MGAT1: variants seen among roughly 807,000 people sequenced by gnomAD.
MGAT1 encodes the protein alpha-1,3-mannosyl-glycoprotein 2-beta-N-acetylglucosaminyltransferase, also known as N-glycosyl-oligosaccharide-glycoprotein N-acetylglucosaminyltransferase I.
MGAT1 carries 14 observed loss-of-function variants against 31.7 expected under a neutral mutation model. That is an observed-to-expected ratio of 0.44 (90% CI 0.29 to 0.69). The LOEUF is 0.69. Among genes scored for constraint, MGAT1 ranks in the 30% least tolerant of loss-of-function variants. The probability of loss-of-function intolerance (pLI) is 0.12; values close to 1 mark genes in which losing one functional copy is unlikely to be tolerated. For synonymous variants in MGAT1, 338 were observed against 276.0 expected (o/e 1.22, Z -2.23); for missense variants, 557 against 626.0 (o/e 0.89, Z 1.18).
At chr5:180,793,131 C>T (rs1768601479) in intron 1 of MGAT1, 34 bp from the exon 2 acceptor site, 2 of 884,262 alleles carry the variant, frequency 2.3e-6, no homozygotes, top group Admixed American at 5.8e-5. Flanking sequence ...AACCGTCACA[C>T]AAAGGCTCGT....
intron 1 of MGAT1, among the ~76,000 whole-genome samples, chr5:180,796,270 T>C (rs1430071130): frequency 6.6e-6 from 1 of 152,158 alleles, no homozygotes; most frequent in African/African-American, 2.4e-5. Flanking sequence ...CACCAGCCCC[T>C]GCCAGCATTC....
At chr5:180,805,880 A>T (rs1271981367), upstream of MGAT1, among the ~76,000 whole-genome samples, 1 of 152,216 alleles carries the variant, frequency 6.6e-6, no homozygotes, top group East Asian at 1.9e-4. Context: ...ATCCAGGTCA[A>T]AGAGGAAAGA....
In MGAT1 at chr5:180,791,938, T is replaced by C; in HGVS notation, c.1034A>G (p.Asp345Gly). ...GGCCTCCCGCTGCAGGTAAGACAGGTCCAGCTGGGTGAAGTGCACAAACTG... is the reference window on the plus strand; with the variant it reads ...GGCCTCCCGCTGCAGGTAAGACAGGCCCAGCTGGGTGAAGTGCACAAACTG... ...NQQFVHFTQLDLSYLQREAYD... is the reference protein window; with the variant it reads ...NQQFVHFTQLGLSYLQREAYD... Residue 345 changes from aspartate to glycine, a missense_variant, in exon 2 of 2, where the codon GAC becomes GGC. Transcript: ENST00000307826. 2 of 1,614,180 alleles carry C rather than the reference T, an allele frequency of 1.2e-6. No individual in the cohort carries two copies. Among genetic ancestry groups the C allele is most frequent in the Non-Finnish European group, 1.7e-6 (2 of 1,180,052 alleles).
At chr5:180,812,574 A>G (rs1772644404) in intron 1 of MGAT1, among the ~76,000 whole-genome samples, 1 of 152,172 alleles carries the variant, frequency 6.6e-6, no homozygotes, top group Non-Finnish European at 1.5e-5. Flanking sequence ...ACACAGGCAC[A>G]CACACACACA....
Position 180,791,492 on chromosome 5 carries a change from T to C in MGAT1, c.*142A>G, listed in dbSNP as rs1768073649. On this transcript the variant is annotated 3_prime_UTR_variant, in exon 2 of 2. Transcript: ENST00000307826. The stretch of plus-strand genomic sequence containing the variant: ...AGAATAATCCTCTTGTTATCATTTG[T>C]GCACTTAAATGCCACTCGGAAAAAT... 1 of 949,224 alleles carries C rather than the reference T, an allele frequency of 1.1e-6. No individual in the cohort carries two copies. The highest frequency in any genetic ancestry group is 1.7e-5 in the South Asian group (1 of 60,446). The allele number at this position is 949,224 out of a possible 1,614,324, so 58.8% of individuals were successfully genotyped here. A position where few individuals can be genotyped will look rare whatever the true frequency, so the allele number is the denominator to read the frequency against.
chr5:180,806,980 G>A (rs915892842), upstream of MGAT1, among the ~76,000 whole-genome samples: 34 of 152,358 alleles, frequency 2.2e-4, no homozygotes, highest in African/African-American at 7.5e-4. Context: ...CCTCAAAGGG[G>A]CTGCCCCAGG....
In MGAT1 at chr5:180,790,525, G is replaced by C. The variant is rs1212266348; in HGVS notation, c.*1109C>G. The C allele has an allele frequency of 1.3e-5, 2 of 152,126 alleles. No homozygotes were observed. The highest frequency in any genetic ancestry group is 2.9e-5 in the Non-Finnish European group (2 of 68,094). The allele number at this position is 152,126 out of a possible 1,614,324, so 9.4% of individuals were successfully genotyped here. Reference sequence around the variant, plus strand: ...CCCTGCCTGCCACCTCCTTTTCCAGGACACACACACATAAATATTTTTCAG... The same window carrying C: ...CCCTGCCTGCCACCTCCTTTTCCAGCACACACACACATAAATATTTTTCAG... On this transcript the variant is annotated 3_prime_UTR_variant, in exon 2 of 2. Coordinates refer to ENST00000307826, the MANE Select transcript of MGAT1 (RefSeq NM_002406.4).
In MGAT1 at chr5:180,792,405, G is replaced by A. The variant is rs1768356060; in HGVS notation, c.567C>T (p.Tyr189=). 1.2e-6 allele frequency: 2 copies of A among 1,610,314 alleles called. No homozygotes were observed. Among genetic ancestry groups the A allele is most frequent in the African/African-American group, 1.3e-5 (1 of 74,904 alleles). Residue 189 remains tyrosine (Y), a synonymous_variant, in exon 2 of 2, where the codon TAC becomes TAT. Coordinates refer to ENST00000307826, the MANE Select transcript of MGAT1 (RefSeq NM_002406.4). The part of the protein sequence containing the change: ...FQGYYKIARH[Y]RWALGQVFRQ... ...GGAAGACCTGGCCCAGCGCCCAGCG[G>A]TAGTGGCGCGCGATCTTGTAGTAGC...
At chr5:180,812,291 A>T (rs1772625921) in intron 1 of MGAT1, among the ~76,000 whole-genome samples, 1 of 152,248 alleles carries the variant, frequency 6.6e-6, no homozygotes, top group African/African-American at 2.4e-5. Context: ...CTCACATGGA[A>T]ATATATGAAC....
rs1336896911 is a variant in MGAT1 at position 180,815,413 on chromosome 5, C to T, written c.-546+1G>A. On this transcript the variant is annotated splice_donor_variant, in intron 1 of 2. Transcript: ENST00000333055. LOFTEE classifies it low-confidence loss of function (5UTR_SPLICE). Reference sequence around the variant, plus strand: ...TCCCAACTCAGTCCCCTCACAGATACCTCTGACTCACGTGTCCAAAGTGAA... The same window carrying T: ...TCCCAACTCAGTCCCCTCACAGATATCTCTGACTCACGTGTCCAAAGTGAA... 1 of 152,670 alleles carries T rather than the reference C, an allele frequency of 6.6e-6. No individual in the cohort carries two copies. The highest frequency in any genetic ancestry group is 2.4e-5 in the African/African-American group (1 of 41,454). The allele number at this position is 152,670 out of a possible 1,614,324, so 9.5% of individuals were successfully genotyped here.
At chr5:180,810,501 A>C (rs1772452643) in intron 1 of MGAT1, 1 of 152,492 alleles carries the variant, frequency 6.6e-6, no homozygotes, top group Non-Finnish European at 1.5e-5. Context: ...CGCGGGAAGA[A>C]GCACGCATGC....
rs573131122 is a variant in MGAT1, at chr5:180,790,732, T to TCCTGGTCACTGCTCCA, written c.*886_*901dup. On this transcript the variant is annotated 3_prime_UTR_variant, in exon 2 of 2. Coordinates refer to ENST00000307826, the MANE Select transcript of MGAT1 (RefSeq NM_002406.4). ...GCTGGGCAGCACTGGGCCAGAGGCG[T>TCCTGGTCACTGCTCCA]CCTGGTCACTGCTCCACCTGGTCAC... The TCCTGGTCACTGCTCCA allele has an allele frequency of 6.6e-6, 1 of 152,548 alleles. No individual in the cohort carries two copies. The highest frequency in any genetic ancestry group is 2.1e-4 in the South Asian group (1 of 4,832). The allele number at this position is 152,548 out of a possible 1,614,324, so 9.4% of individuals were successfully genotyped here. A position where few individuals can be genotyped will look rare whatever the true frequency, so the allele number is the denominator to read the frequency against.
chr5:180,814,418 G>C (rs969656535), intron 1 of MGAT1, among the ~76,000 whole-genome samples: 1 of 152,174 alleles, frequency 6.6e-6, no homozygotes, highest in Admixed American at 6.5e-5. Context: ...GCTCTCTGGG[G>C]TTCCCCCTCC....
In MGAT1 at chr5:180,791,845, T is replaced by C. The variant is rs764185955; in HGVS notation, c.1127A>G (p.Asn376Ser). 6 of 1,614,188 alleles carry C rather than the reference T, an allele frequency of 3.7e-6. No individual in the cohort carries two copies. Among genetic ancestry groups the C allele is most frequent in the South Asian group, 1.1e-5 (1 of 91,082 alleles). Residue 376 changes from asparagine to serine, a missense_variant, in exon 2 of 2, where the codon AAT (asparagine) becomes AGT (serine). This residue lies in a region of MGAT1 where 145 missense variants were observed against 143.2 expected (regional missense o/e 1.01). Coordinates refer to ENST00000307826, the MANE Select transcript of MGAT1 (RefSeq NM_002406.4). ...PQLQVEKVRTNDRKELGEVRV... is the reference protein window; with the variant it reads ...PQLQVEKVRTSDRKELGEVRV... Reference sequence around the variant, plus strand: ...CACCTCCCCCAGCTCCTTCCGGTCATTGGTCCTCACTTTCTCCACCTGCAG... The same window carrying C: ...CACCTCCCCCAGCTCCTTCCGGTCACTGGTCCTCACTTTCTCCACCTGCAG...
rs111308679 is a variant in MGAT1, at chr5:180,788,079, G to C, written c.*3555C>G. The C allele has an allele frequency of 2.0e-5, 3 of 153,070 alleles. No individual in the cohort carries two copies. The highest frequency in any genetic ancestry group is 4.4e-5 in the Non-Finnish European group (3 of 68,696). The allele number at this position is 153,070 out of a possible 1,614,324, so 9.5% of individuals were successfully genotyped here. Reference sequence around the variant, plus strand: ...GGCAGCTCTGTAAACCTGCAAACTCGAGGCTGGCTGAACTCTACAGCATTG... The same window carrying C: ...GGCAGCTCTGTAAACCTGCAAACTCCAGGCTGGCTGAACTCTACAGCATTG... On this transcript the variant is annotated 3_prime_UTR_variant, in exon 2 of 2. Coordinates refer to ENST00000307826, the MANE Select transcript of MGAT1 (RefSeq NM_002406.4).
Position 180,792,985 on chromosome 5 carries a change from G to A in MGAT1, c.-14C>T, listed in dbSNP as rs72549456. The A allele has an allele frequency of 0.015, 23,962 of 1,612,396 alleles. 247 individuals carry two copies. Among genetic ancestry groups the A allele is most frequent in the Non-Finnish European group, 0.018 (21,746 of 1,179,670 alleles). On this transcript the variant is annotated 5_prime_UTR_variant, in exon 2 of 2. Transcript: ENST00000307826. ...CTTCTTCAGCATCCTGGCCCCCACC[G>A]GGGAGGGCAGGCCAGGGGACGGTTC... is the stretch of plus-strand genomic sequence containing the variant.
chr5:180,792,351 C>T lies in MGAT1; in HGVS notation c.621G>A (p.Val207=). Residue 207 remains valine (V), a synonymous_variant, in exon 2 of 2, where the codon GTG becomes GTA. Transcript: ENST00000307826. ...FRQFRFPAAV[V]VEDDLEVAPD... Reference sequence around the variant, plus strand: ...GGGCCACCTCCAGGTCATCCTCCACCACCACGGCCGCGGGGAAGCGAAACT... The same window carrying T: ...GGGCCACCTCCAGGTCATCCTCCACTACCACGGCCGCGGGGAAGCGAAACT... The T allele has an allele frequency of 6.2e-7, 1 of 1,611,276 alleles. No homozygotes were observed. Among genetic ancestry groups the T allele is most frequent in the Non-Finnish European group, 8.5e-7 (1 of 1,178,450 alleles).
At position 180,791,763 on chromosome 5, in the gene MGAT1, G is replaced by A; in HGVS notation, c.1209C>T (p.Val403=). ...GAACCCCCGACTTAAGGTCATCCAT[G>A]ACACCCAGAGCCTTGGCGAAAGCCT... The part of the protein sequence containing the change: ...SFKAFAKALG[V]MDDLKSGVPR... The change falls in exon 2 of 2, where the codon GTC becomes GTT. Residue 403 remains valine (V), a synonymous_variant. Coordinates refer to ENST00000307826, the MANE Select transcript of MGAT1 (RefSeq NM_002406.4). The A allele has an allele frequency of 1.2e-6, 2 of 1,614,052 alleles. No homozygotes were observed. The highest frequency in any genetic ancestry group is 1.7e-6 in the Non-Finnish European group (2 of 1,179,912).
rs1192423875 is a variant in MGAT1, at chr5:180,785,038, A to C, written c.*6596T>G. The C allele has an allele frequency of 1.3e-5, 2 of 152,228 alleles. No individual in the cohort carries two copies. Among genetic ancestry groups the C allele is most frequent in the Non-Finnish European group, 2.9e-5 (2 of 68,042 alleles). 9.4% of individuals were successfully genotyped at this position (152,228 alleles called of 1,614,324 possible). The stretch of plus-strand genomic sequence containing the variant: ...CTTCCCTGTGAGTTTGAATATTTTC[A>C]TAATAAAAACTTGAAAAACAGAATA... On this transcript the variant is annotated 3_prime_UTR_variant, in exon 2 of 2. Transcript: ENST00000307826.
Sources: allele counts gnomAD v4.1 joint callset (sites outside exome capture counted in the v4.1 genomes callset), GRCh38; gene constraint gnomAD v4.1.1; regional missense constraint gnomAD v4.1.1; transcripts MANE v1.5; gene names NCBI Gene and HGNC (gene_info 2026-07-23, HGNC 2026-07-21).